Variants in GLYATL1 observed in about 807,000 individuals in gnomAD.
GLYATL1 encodes the protein glycine N-acyltransferase-like protein 1.
Under a neutral mutation model 20.0 loss-of-function variants are expected in GLYATL1, and 15 were observed. The observed-to-expected ratio is 0.75, with a 90% CI of 0.50 to 1.15. GLYATL1 has a LOEUF of 1.15. Among genes scored for constraint, GLYATL1 ranks in the 50% most tolerant of loss-of-function variants. GLYATL1 has a pLI of 0.00. For synonymous variants in GLYATL1, 151 were observed against 131.5 expected (o/e 1.15, Z -1.01); for missense variants, 380 against 368.5 (o/e 1.03, Z -0.26).
chr11:58,950,471 TCTC>T (rs1856915746), intron 4 of GLYATL1, among the ~76,000 whole-genome samples: 1 of 152,338 alleles, frequency 6.6e-6, no homozygotes, highest in Admixed American at 6.5e-5. Flanking sequence ...AGTCAATCAT[TCTC>T]CTGCTGTTGG....
chr11:58,910,038 C>T (rs1383354909), downstream of GLYATL1, among the ~76,000 whole-genome samples: 1 of 152,158 alleles, frequency 6.6e-6, no homozygotes, highest in African/African-American at 2.4e-5. Context: ...TCTAAGGAAA[C>T]TTCTCTTGCC....
At chr11:58,926,660 T>A (rs1349740612), upstream of GLYATL1, among the ~76,000 whole-genome samples, 1 of 151,786 alleles carries the variant, frequency 6.6e-6, no homozygotes, top group East Asian at 1.9e-4. Flanking sequence ...TGAATTGCAT[T>A]TTACTTAAAG....
At chr11:58,927,875 G>A (rs1267032488) in intron 1 of GLYATL1, 2 of 152,198 alleles carry the variant, frequency 1.3e-5, no homozygotes, top group Non-Finnish European at 2.9e-5. Context: ...GGTGATTAGG[G>A]CCCAGGGAAG....
chr11:58,922,043 C>A (rs2135115499), intron 1 of GLYATL1, among the ~76,000 whole-genome samples: 1 of 152,306 alleles, frequency 6.6e-6, no homozygotes, highest in African/African-American at 2.4e-5. Flanking sequence ...CATCTCTTAA[C>A]CCTTGCAGGA....
At chr11:58,910,876 C>A (rs1462703807), downstream of GLYATL1, among the ~76,000 whole-genome samples, 1 of 152,180 alleles carries the variant, frequency 6.6e-6, no homozygotes, top group Admixed American at 6.5e-5. Context: ...CAAACACCTA[C>A]AGTCATGTAA....
intron 2 of GLYATL1, among the ~76,000 whole-genome samples, chr11:58,946,269 A>C (rs1856562733): frequency 6.6e-6 from 1 of 152,228 alleles, no homozygotes; most frequent in Non-Finnish European, 1.5e-5. Flanking sequence ...GTGTAATCTC[A>C]ATCCTTTGGA....
chr11:58,928,632 T>G (rs1855494310), intron 1 of GLYATL1: 1 of 152,176 alleles, frequency 6.6e-6, no homozygotes, highest in Non-Finnish European at 1.5e-5. Context: ...ACAGATAATC[T>G]GTTTTGCCAG....
intron 2 of GLYATL1, among the ~76,000 whole-genome samples, chr11:58,945,558 G>GT (rs1032339626): frequency 2.0e-5 from 3 of 152,124 alleles, no homozygotes; most frequent in African/African-American, 4.8e-5. Context: ...TGGAACACAA[G>GT]TTTTTTTGCG....
At chr11:58,945,472 G>T (rs1856500285) in intron 2 of GLYATL1, among the ~76,000 whole-genome samples, 1 of 152,132 alleles carries the variant, frequency 6.6e-6, no homozygotes, top group African/African-American at 2.4e-5. Context: ...GGGGTATTTT[G>T]GACAAAGATT....
chr11:58,918,269 A>G (rs535660082), intron 1 of GLYATL1, among the ~76,000 whole-genome samples: 1 of 152,296 alleles, frequency 6.6e-6, no homozygotes, highest in East Asian at 1.9e-4. Context: ...ATGAAAACCA[A>G]CCTCCTAAGA....
exon 2 of GLYATL1, chr11:58,907,647 G>T (rs998349307): frequency 9.6e-6 from 2 of 208,286 alleles, no homozygotes; most frequent in South Asian, 7.9e-5. Flanking sequence ...GTCATTGTGG[G>T]TCATATTTTT....
At chr11:58,913,476 C>T (rs1191212088), downstream of GLYATL1, among the ~76,000 whole-genome samples, 1 of 152,158 alleles carries the variant, frequency 6.6e-6, no homozygotes, top group Non-Finnish European at 1.5e-5. Flanking sequence ...TCTCATTGGC[C>T]AGCACAGTGG....
At chr11:58,947,600 A>G in intron 3 of GLYATL1, 1 of 511,708 alleles carries the variant, frequency 2.0e-6, no homozygotes, top group Non-Finnish European at 3.5e-6. Flanking sequence ...ATAAATGCTA[A>G]GAGCATTGCC....
At chr11:58,909,513 T>C (rs1364534521), downstream of GLYATL1, among the ~76,000 whole-genome samples, 1 of 152,224 alleles carries the variant, frequency 6.6e-6, no homozygotes, top group Non-Finnish European at 1.5e-5. Context: ...ACATTAATTA[T>C]GTACATTAGT....
rs200383788 is a variant in GLYATL1 at position 58,947,032 on chromosome 11, T to C, written c.-42-14T>C. On this transcript the variant is annotated splice_polypyrimidine_tract_variant and intron_variant, in intron 2 of 6. Coordinates refer to ENST00000532726, the MANE Select transcript of GLYATL1 (RefSeq NM_001389712.2). The stretch of plus-strand genomic sequence containing the variant: ...GTTTCCTTAACATTTTCCCTTCATT[T>C]CTTATCTTTTCAGAGTTTCTTCTTC... 2 of 1,596,248 alleles carry C rather than the reference T, an allele frequency of 1.3e-6. No individual in the cohort carries two copies. Among genetic ancestry groups the C allele is most frequent in the Non-Finnish European group, 1.7e-6 (2 of 1,163,700 alleles).
chr11:58,914,824 C>G (rs1855133058), intron 1 of GLYATL1, among the ~76,000 whole-genome samples: 1 of 152,170 alleles, frequency 6.6e-6, no homozygotes, highest in Non-Finnish European at 1.5e-5. Context: ...GAGGCAAGTC[C>G]TGTCCCTACT....
chr11:58,910,146 TTCCA>T, downstream of GLYATL1, among the ~76,000 whole-genome samples: 1 of 14,854 alleles, frequency 6.7e-5, no homozygotes, highest in South Asian at 0.05. Flanking sequence ...ATGAATTTAT[TTCCA>T]TACATTATGG....
intron 2 of GLYATL1, among the ~76,000 whole-genome samples, chr11:58,944,155 G>A (rs755539064): frequency 6.6e-6 from 1 of 152,192 alleles, no homozygotes; most frequent in Non-Finnish European, 1.5e-5. Context: ...GATACTTAGA[G>A]TGGAACATTC....
chr11:58,912,653 C>A (rs144637218), downstream of GLYATL1, among the ~76,000 whole-genome samples: 1 of 152,128 alleles, frequency 6.6e-6, no homozygotes, highest in Non-Finnish European at 1.5e-5. Context: ...ACTTTATTTA[C>A]GTCTTATGGG....
Sources: allele counts gnomAD v4.1 joint callset (sites outside exome capture counted in the v4.1 genomes callset), GRCh38; gene constraint gnomAD v4.1.1; transcripts MANE v1.5; gene names NCBI Gene and HGNC (gene_info 2026-07-23, HGNC 2026-07-21).